The following OTOF variants were observed in gnomAD, a reference collection of about 807,000 sequenced individuals.
The protein encoded by OTOF is fer-1-like family member 2.
In OTOF, 218 loss-of-function variants were observed where a neutral mutation model predicts 236.8. The ratio of observed to expected loss-of-function variants is 0.92; its 90% CI spans 0.82 to 1.03. The LOEUF (loss-of-function observed/expected upper bound fraction) is 1.03, where lower values mean the gene tolerates loss of function less well. OTOF is among the 50% of genes least tolerant of loss of function. OTOF has a pLI of 0.00. For missense variants in OTOF, 2,590 were observed against 2,694.4 expected (o/e 0.96, Z 0.86); for synonymous variants, 1,041 against 1,072.5 (o/e 0.97, Z 0.57).
chr2:26,516,716 A>G, intron 4 of OTOF, 117 bp from the exon 5 acceptor site: 1 of 1,069,674 alleles, frequency 9.3e-7, no homozygotes, highest in Non-Finnish European at 1.4e-6. Context: ...TCACTGGAGG[A>G]GGTCAGGATG....
Position 26,491,567 on chromosome 2 carries a change from C to T in OTOF, c.898-1827G>A, listed in dbSNP as rs540927538. 1.5e-4 allele frequency among the ~76,000 whole-genome samples: 23 copies of T among 152,274 alleles called. No homozygotes were observed. The South Asian group carries it at 4.6e-3, about 30-fold the overall frequency. On this transcript the variant is annotated intron_variant, in intron 9 of 46. Coordinates refer to ENST00000272371, the MANE Select transcript of OTOF (RefSeq NM_194248.3). ...AAAGACAGAGTTGGGCTGTGCAATG[C>T]CAGGTTCTTTGAGCTGTAGAAAGAG...
Position 26,477,719 on chromosome 2 carries a change from T to C in OTOF, c.2245A>G (p.Ile749Val), listed in dbSNP as rs781354904. Residue 749 changes from isoleucine (I) to valine (V), a missense_variant, in exon 19 of 47, where the codon ATC (isoleucine) becomes GTC (valine). Around this residue, in one of 2 missense-constraint regions of OTOF, gnomAD observed 1,379 missense variants for 1,341.6 expected, o/e 1.03. Transcript: ENST00000272371. This position sits in a 1 kb window ranked among gnomAD's most constrained non-coding sequence, Gnocchi z 4.7. ...TCAGGGTAGGACTTCTCCGTTTTGA[T>C]CATCTCCTGTATGTCGTTCAGGCCT... ...EEGLNDIQEM[I>V]KTEKSYPERR... 1 of 1,612,692 alleles carries C rather than the reference T, an allele frequency of 6.2e-7. No individual in the cohort carries two copies. The highest frequency in any genetic ancestry group is 2.2e-5 in the East Asian group (1 of 44,872).
chr2:26,478,299 A>G (rs953392166), intron 18 of OTOF, among the ~76,000 whole-genome samples: 2 of 152,208 alleles, frequency 1.3e-5, no homozygotes, highest in African/African-American at 4.8e-5. Flanking sequence ...TCACACTGCA[A>G]AGGCTATGGG....
chr2:26,522,015 T>G (rs1666688862), intron 3 of OTOF, among the ~76,000 whole-genome samples: 1 of 152,146 alleles, frequency 6.6e-6, no homozygotes, highest in African/African-American at 2.4e-5. Flanking sequence ...AGGATGGGCT[T>G]CAGGGGCAGG....
At chr2:26,467,584 T>C in intron 33 of OTOF, 83 bp from the exon 34 acceptor site, 1 of 1,479,640 alleles carries the variant, frequency 6.8e-7, no homozygotes. Context: ...TGTCGCTAAT[T>C]TGCTTTACTA....
chr2:26,473,025 G>C lies in OTOF; in HGVS notation c.3733+107C>G. ...GACCTTCTTCTATGCCCACCCCCTC[G>C]GCCCCAAAGAGCAAACTCTGGTCGC... On this transcript the variant is annotated intron_variant, in intron 29 of 46. Coordinates refer to ENST00000272371, the MANE Select transcript of OTOF (RefSeq NM_194248.3). This position sits in a 1 kb window ranked among gnomAD's most constrained non-coding sequence, Gnocchi z 7.2. 1 of 1,239,336 alleles carries C rather than the reference G, an allele frequency of 8.1e-7. No homozygotes were observed. Among genetic ancestry groups the C allele is most frequent in the Non-Finnish European group, 1.1e-6 (1 of 883,442 alleles). 76.8% of individuals were successfully genotyped at this position (1,239,336 alleles called of 1,614,324 possible). A position where few individuals can be genotyped will look rare whatever the true frequency, so the allele number is the denominator to read the frequency against.
chr2:26,496,114 TG>T, intron 8 of OTOF, among the ~76,000 whole-genome samples: 1 of 152,334 alleles, frequency 6.6e-6, no homozygotes, highest in South Asian at 2.1e-4. Context: ...ACTTATATCC[TG>T]GGAAGCCCTA....
intron 8 of OTOF, among the ~76,000 whole-genome samples, chr2:26,500,090 G>A (rs919446699): frequency 6.6e-6 from 1 of 152,222 alleles, no homozygotes; most frequent in African/African-American, 2.4e-5. Context: ...GAAGGGAGCA[G>A]CTGTCTAGAA....
chr2:26,466,195 C>T, intron 36 of OTOF, 119 bp from the exon 37 acceptor site: 1 of 1,264,144 alleles, frequency 7.9e-7, no homozygotes, highest in African/African-American at 1.5e-5. Flanking sequence ...GCACTGGACC[C>T]CTCAGGAGGC....
At chr2:26,537,890 G>C in intron 1 of OTOF, 116 bp from the exon 2 acceptor site, 1 of 780,690 alleles carries the variant, frequency 1.3e-6, no homozygotes, top group South Asian at 1.5e-5. Flanking sequence ...CATGCAACAT[G>C]GGACCTCGTG....
chr2:26,557,818 C>T (rs1298942500), intron 1 of OTOF, among the ~76,000 whole-genome samples: 3 of 151,640 alleles, frequency 2.0e-5, no homozygotes, highest in Admixed American at 6.6e-5. Flanking sequence ...GCTTGTTCCA[C>T]GCCTGCCCAA....
intron 33 of OTOF, among the ~76,000 whole-genome samples, 181 bp downstream of exon 33, chr2:26,468,227 T>A (rs1664823800): frequency 6.6e-6 from 1 of 152,190 alleles, no homozygotes; most frequent in Non-Finnish European, 1.5e-5. Flanking sequence ...AGTAAAAGCC[T>A]CCCTGGACAA....
chr2:26,495,616 G>A (rs918674302), intron 8 of OTOF, among the ~76,000 whole-genome samples: 2 of 152,044 alleles, frequency 1.3e-5, no homozygotes, highest in Non-Finnish European at 2.9e-5. Flanking sequence ...TATACAGATG[G>A]GGTTTTGCCA....
At chr2:26,493,101 T>C (rs1228437871) in intron 9 of OTOF, among the ~76,000 whole-genome samples, 1 of 152,124 alleles carries the variant, frequency 6.6e-6, no homozygotes, top group Admixed American at 6.5e-5. Context: ...AGTCAGGATG[T>C]GTCCTAACGT....
intron 41 of OTOF, 73 bp downstream of exon 41, chr2:26,463,410 G>A (rs1664575247): frequency 7.9e-7 from 1 of 1,273,020 alleles, no homozygotes; most frequent in Non-Finnish European, 1.1e-6. Context: ...CCCCCCGCAG[G>A]AAGGGTTGGG....
At position 26,480,893 on chromosome 2, in the gene OTOF, G is replaced by A. The variant is rs760584389; in HGVS notation, c.1696C>T (p.Arg566Trp). 5.6e-6 allele frequency: 9 copies of A among 1,612,878 alleles called. No individual in the cohort carries two copies. Among genetic ancestry groups the A allele is most frequent in the South Asian group, 2.2e-5 (2 of 91,086 alleles). ...GCCAGGCCCAGCAGGAGCCGGGCCCGGAAGGACACACCCTCCCCCAGGCCC... is the reference window on the plus strand; with the variant it reads ...GCCAGGCCCAGCAGGAGCCGGGCCCAGAAGGACACACCCTCCCCCAGGCCC... Reference protein sequence around the residue: ...NEGLGEGVSFRARLLLGLAVE... With the variant: ...NEGLGEGVSFWARLLLGLAVE... Residue 566 changes from arginine to tryptophan, a missense_variant, in exon 15 of 47, where the codon CGG (arginine) becomes TGG (tryptophan). Physicochemically the swap from Arg to Trp is moderately radical, Grantham distance 101. Transcript: ENST00000272371.
chr2:26,505,377 C>T (rs4665862), intron 5 of OTOF, among the ~76,000 whole-genome samples: 87,528 of 151,706 alleles, frequency 0.58, 25,659 homozygotes, highest in East Asian at 0.88. Flanking sequence ...GAATTATTTT[C>T]AAAAGCTTCC....
chr2:26,537,405 T>G (rs4665875), intron 2 of OTOF, among the ~76,000 whole-genome samples: 1 of 152,292 alleles, frequency 6.6e-6, no homozygotes, highest in South Asian at 2.1e-4. Context: ...CTACAGCACC[T>G]GTGGGCTCTT....
chr2:26,467,172 T>G lies in OTOF; in HGVS notation c.4289A>C (p.Asn1430Thr). ...ATCCCCGGTCTTGCCCCGAAGCAAG[T>G]TGAAAGTGTGCAGCCAGTCCTCAAA... is the stretch of plus-strand genomic sequence containing the variant. ...DNFEDWLHTF[N>T]LLRGKTGDDE... is the part of the protein sequence containing the mutation. Residue 1430 changes from asparagine (N) to threonine (T), a missense_variant, in exon 35 of 47, where the codon AAC (asparagine) becomes ACC (threonine). This residue lies in a region of OTOF where 1,211 missense variants were observed against 1,352.8 expected (regional missense o/e 0.90). Transcript: ENST00000272371. 6.2e-7 allele frequency: 1 copy of G among 1,614,096 alleles called. No individual in the cohort carries two copies. Among genetic ancestry groups the G allele is most frequent in the African/African-American group, 1.3e-5 (1 of 75,000 alleles).
Sources: allele counts gnomAD v4.1 joint callset (sites outside exome capture counted in the v4.1 genomes callset), GRCh38; gene constraint gnomAD v4.1.1; regional missense constraint gnomAD v4.1.1; non-coding constraint Gnocchi (gnomAD v3.1); transcripts MANE v1.5; gene names NCBI Gene and HGNC (gene_info 2026-07-23, HGNC 2026-07-21).